CA10: variants seen among roughly 807,000 people sequenced by gnomAD.
The protein encoded by CA10 is carbonic anhydrase 10 (inactive).
In CA10, 14 loss-of-function variants were observed where a neutral mutation model predicts 44.2. That is an observed-to-expected ratio of 0.32 (90% CI 0.21 to 0.50). CA10 has a LOEUF of 0.50. CA10 is among the 20% of genes least tolerant of loss of function. The probability of loss-of-function intolerance (pLI) is 0.99; values close to 1 mark genes in which losing one functional copy is unlikely to be tolerated. For missense variants in CA10, 350 were observed against 409.7 expected, an observed-to-expected ratio of 0.85 and a Z score of 1.26; for synonymous variants, 159 against 141.6, an observed-to-expected ratio of 1.12 and a Z score of -0.87.
At position 51,853,212 on chromosome 17, in the gene CA10, A is replaced by T. The variant is rs796878262; in HGVS notation, c.279+77778T>A. ...AGTCCCAATGATGATATTTAACTGC[A>T]TAATAAACCCCACAGAAACTGCTAA... On this transcript the variant is annotated intron_variant, in intron 3 of 8. Coordinates refer to ENST00000451037, the MANE Select transcript of CA10 (RefSeq NM_020178.5). Among the ~76,000 whole-genome samples, 10 of 152,354 alleles carry T rather than the reference A, an allele frequency of 6.6e-5. 2 individuals carry two copies. Among genetic ancestry groups the T allele is most frequent in the African/African-American group, 2.4e-4 (10 of 41,588 alleles).
intron 3 of CA10, among the ~76,000 whole-genome samples, chr17:51,777,567 C>A (rs751372485): frequency 2.0e-5 from 3 of 152,104 alleles, no homozygotes; most frequent in Non-Finnish European, 2.9e-5. Flanking sequence ...AGGGAATGAT[C>A]AGATATGTGT....
Position 51,820,194 on chromosome 17 carries a change from C to G in CA10, c.280-72376G>C, listed in dbSNP as rs866010812. 5.3e-4 allele frequency among the ~76,000 whole-genome samples: 71 copies of G among 132,794 alleles called. No homozygotes were observed. The South Asian group carries it at 0.011, about 20-fold the overall frequency. The allele number at this position is 132,794 out of a possible 152,430, so 87.1% of individuals were successfully genotyped here. ...CATGAACCTGAGCGCCGCCCCCCCC[C>G]CCCCAGGTAATACCCCCTTCAACTG... On this transcript the variant is annotated intron_variant, in intron 3 of 8. Coordinates refer to ENST00000451037, the MANE Select transcript of CA10 (RefSeq NM_020178.5).
intron 4 of CA10, among the ~76,000 whole-genome samples, chr17:51,699,194 G>A (rs953964618): frequency 6.6e-6 from 1 of 151,970 alleles, no homozygotes; most frequent in Non-Finnish European, 1.5e-5. Context: ...ATGGTGGCGG[G>A]CACTTGTAAT....
chr17:51,702,004 C>T (rs909357461), intron 4 of CA10, among the ~76,000 whole-genome samples: 1 of 152,160 alleles, frequency 6.6e-6, no homozygotes, highest in African/African-American at 2.4e-5. Flanking sequence ...ACCTGCCAAC[C>T]AGACTACAGA....
intron 2 of CA10, among the ~76,000 whole-genome samples, chr17:51,933,730 G>A (rs1014241357): frequency 6.6e-6 from 1 of 152,076 alleles, no homozygotes; most frequent in Admixed American, 6.6e-5. Context: ...CTAGAAGGCA[G>A]CTGCATGATT....
intron 3 of CA10, among the ~76,000 whole-genome samples, chr17:51,803,174 T>C (rs1907002395): frequency 6.6e-6 from 1 of 152,182 alleles, no homozygotes; most frequent in Admixed American, 6.5e-5. Context: ...ACTAGGATCA[T>C]CTTGCAGGAA....
intron 4 of CA10, among the ~76,000 whole-genome samples, chr17:51,654,272 G>A (rs1913695747): frequency 6.6e-6 from 1 of 152,226 alleles, no homozygotes; most frequent in South Asian, 2.1e-4. Context: ...CCGGTCATCT[G>A]GTTGTGTAGG....
chr17:51,848,157 A>G (rs544248413), intron 3 of CA10, among the ~76,000 whole-genome samples: 1 of 152,350 alleles, frequency 6.6e-6, no homozygotes, highest in South Asian at 2.1e-4. Context: ...GGATGAAAAA[A>G]TAAAAATTTT....
At chr17:51,947,241 A>AG (rs1983314752) in intron 2 of CA10, among the ~76,000 whole-genome samples, 1 of 151,120 alleles carries the variant, frequency 6.6e-6, no homozygotes, top group African/African-American at 2.4e-5. Flanking sequence ...AAAAAAAAAA[A>AG]AAAAAAGCCA....
Position 52,080,595 on chromosome 17 carries a change from T to C in CA10, c.62-8202A>G, listed in dbSNP as rs559602651. ...ATGGCTAATTCTCAGCCTAGTATTC[T>C]AGAATTTCTGCAATTTGGGTTTACC... On this transcript the variant is annotated intron_variant, in intron 1 of 8. Coordinates refer to ENST00000451037, the MANE Select transcript of CA10 (RefSeq NM_020178.5). Among the ~76,000 whole-genome samples the C allele has an allele frequency of 3.3e-5, 5 of 152,240 alleles. No individual in the cohort carries two copies. In the South Asian group the frequency reaches 1.0e-3, roughly 32 times the overall value.
chr17:51,811,249 T>C (rs979954050), intron 3 of CA10, among the ~76,000 whole-genome samples: 3 of 151,644 alleles, frequency 2.0e-5, no homozygotes, highest in Non-Finnish European at 2.9e-5. Context: ...ATCCACACTA[T>C]AAAAATGACC....
At chr17:51,927,180 TATG>T (rs1321155801) in intron 3 of CA10, among the ~76,000 whole-genome samples, 1 of 152,164 alleles carries the variant, frequency 6.6e-6, no homozygotes, top group Non-Finnish European at 1.5e-5. Context: ...ATACTTAATA[TATG>T]ATAATTATGT....
chr17:52,134,939 G>C (rs771970744), intron 1 of CA10: 1 of 518,988 alleles, frequency 1.9e-6, no homozygotes, highest in Non-Finnish European at 3.8e-6. Context: ...CATCCTGAAC[G>C]GCTCCTGATG....
chr17:52,158,431 ATTATTG>A lies in CA10; in HGVS notation c.-651_-646del. 2 of 157,600 alleles carry A rather than the reference ATTATTG, an allele frequency of 1.3e-5. No individual in the cohort carries two copies. The highest frequency in any genetic ancestry group is 6.4e-5 in the Admixed American group (1 of 15,670). 9.8% of individuals were successfully genotyped at this position (157,600 alleles called of 1,614,324 possible). The stretch of plus-strand genomic sequence containing the variant: ...GACACACAGAGAAAGAGAGGCAGGG[ATTATTG>A]CCCGAAACCGCCAGCCGCCGGCAGC... On this transcript the variant is annotated 5_prime_UTR_variant, in exon 1 of 9. Coordinates refer to ENST00000451037, the MANE Select transcript of CA10 (RefSeq NM_020178.5).
At chr17:51,758,852 T>C (rs967396746) in intron 3 of CA10, among the ~76,000 whole-genome samples, 2 of 152,204 alleles carry the variant, frequency 1.3e-5, no homozygotes, top group Non-Finnish European at 2.9e-5. Flanking sequence ...AGCATGAGCT[T>C]CCCATTTTCC....
At chr17:51,869,066 A>G (rs1214740594) in intron 3 of CA10, among the ~76,000 whole-genome samples, 1 of 152,092 alleles carries the variant, frequency 6.6e-6, no homozygotes, top group African/African-American at 2.4e-5. Context: ...CAGCATAGAA[A>G]GATTTTGATG....
intron 3 of CA10, among the ~76,000 whole-genome samples, chr17:51,924,971 G>A (rs561372953): frequency 6.6e-6 from 1 of 152,254 alleles, no homozygotes; most frequent in Non-Finnish European, 1.5e-5. Context: ...AAGATATGGG[G>A]AAAAATCAGC....
intron 3 of CA10, among the ~76,000 whole-genome samples, chr17:51,832,815 G>A (rs1231121974): frequency 1.3e-5 from 2 of 152,198 alleles, no homozygotes; most frequent in Non-Finnish European, 2.9e-5. Context: ...ACACAAGAAA[G>A]GACATGGGGT....
intron 4 of CA10, among the ~76,000 whole-genome samples, chr17:51,735,830 T>TA (rs11402207): frequency 0.61 from 90,182 of 147,112 alleles, 27,914 homozygotes; most frequent in Admixed American, 0.71. Flanking sequence ...AAAAACAAAG[T>TA]AAAAAAAAAA....
Sources: gnomAD v4.1 joint callset for allele counts (sites outside exome capture counted in the v4.1 genomes callset) on GRCh38, gnomAD v4.1.1 for gene constraint, MANE v1.5 for transcripts, NCBI Gene and HGNC (gene_info 2026-07-23, HGNC 2026-07-21) for gene names.